GMDS: variants seen among roughly 807,000 people sequenced by gnomAD.
The protein encoded by GMDS is GDP-mannose 4,6-dehydratase.
GMDS carries 20 observed loss-of-function variants against 49.9 expected under a neutral mutation model. That is an observed-to-expected ratio of 0.40 (90% CI 0.28 to 0.58). GMDS has a LOEUF of 0.58. Ranked by LOEUF, GMDS falls within the 20% of genes least tolerant of loss-of-function variation. The pLI is 0.42. For synonymous variants in GMDS, 177 were observed against 178.6 expected, an observed-to-expected ratio of 0.99 and a Z score of 0.07; for missense variants, 362 against 481.4, an observed-to-expected ratio of 0.75 and a Z score of 2.32.
intron 7 of GMDS, among the ~76,000 whole-genome samples, chr6:1,920,777 G>A (rs1256808830): frequency 2.6e-5 from 4 of 152,208 alleles, no homozygotes; most frequent in Non-Finnish European, 2.9e-5. Flanking sequence ...GAGCAGGGCA[G>A]GGAAAGAGGA....
chr6:1,831,775 A>T (rs1344996909), intron 7 of GMDS, among the ~76,000 whole-genome samples: 4 of 152,128 alleles, frequency 2.6e-5, no homozygotes, highest in Non-Finnish European at 5.9e-5. Context: ...TTGAAAAATT[A>T]GATGTTCAAT....
intron 4 of GMDS, among the ~76,000 whole-genome samples, chr6:1,963,181 C>CTT (rs75060505): frequency 2.1e-5 from 3 of 143,442 alleles, no homozygotes; most frequent in Non-Finnish European, 4.6e-5. Context: ...AGCCTACTTC[C>CTT]TTTTTTTTTT....
intron 7 of GMDS, among the ~76,000 whole-genome samples, chr6:1,789,221 C>T (rs1769431716): frequency 1.3e-5 from 2 of 152,224 alleles, no homozygotes; most frequent in African/African-American, 4.8e-5. Context: ...GTTCACTACC[C>T]AGAAGCTGCA....
At chr6:1,955,442 T>C (rs1337690380) in intron 6 of GMDS, among the ~76,000 whole-genome samples, 1 of 152,212 alleles carries the variant, frequency 6.6e-6, no homozygotes, top group East Asian at 1.9e-4. Flanking sequence ...TACTACTATA[T>C]ACATTTTCAT....
intron 7 of GMDS, among the ~76,000 whole-genome samples, chr6:1,908,181 A>C (rs1373675206): frequency 1.3e-5 from 2 of 152,216 alleles, no homozygotes; most frequent in Non-Finnish European, 2.9e-5. Flanking sequence ...GGACAAAGGA[A>C]TGGTTCACGT....
intron 9 of GMDS, among the ~76,000 whole-genome samples, chr6:1,683,444 GT>G (rs1407171766): frequency 2.6e-5 from 4 of 152,128 alleles, no homozygotes; most frequent in African/African-American, 9.7e-5. Flanking sequence ...AGTTTTAAAG[GT>G]CTTAGGATAT....
At chr6:1,729,983 G>A (rs75917275) in intron 8 of GMDS, among the ~76,000 whole-genome samples, 1 of 152,110 alleles carries the variant, frequency 6.6e-6, no homozygotes, top group African/African-American at 2.4e-5. Context: ...TAAGTTGGTG[G>A]GGGCGGGGGA....
At chr6:1,917,747 C>G (rs1761475486) in intron 7 of GMDS, among the ~76,000 whole-genome samples, 1 of 152,196 alleles carries the variant, frequency 6.6e-6, no homozygotes, top group African/African-American at 2.4e-5. Flanking sequence ...GACTTGGTGA[C>G]AGAATGCCCC....
intron 7 of GMDS, among the ~76,000 whole-genome samples, chr6:1,881,337 G>A (rs1428267955): frequency 6.6e-6 from 1 of 152,180 alleles, no homozygotes; most frequent in African/African-American, 2.4e-5. Flanking sequence ...TAACCCATTT[G>A]TAGCCAAGCT....
chr6:1,660,603 C>T (rs1764035327), intron 9 of GMDS, among the ~76,000 whole-genome samples: 1 of 151,452 alleles, frequency 6.6e-6, no homozygotes, highest in Non-Finnish European at 1.5e-5. Flanking sequence ...AGGAATCACA[C>T]CTCCGGTTCA....
chr6:1,749,122 C>A (rs751186397), intron 7 of GMDS, among the ~76,000 whole-genome samples: 1 of 152,158 alleles, frequency 6.6e-6, no homozygotes, highest in Admixed American at 6.5e-5. Context: ...TGCCCCAGGA[C>A]GTGGCTGCCA....
intron 7 of GMDS, among the ~76,000 whole-genome samples, chr6:1,928,739 C>A (rs1047260079): frequency 6.6e-6 from 1 of 152,066 alleles, no homozygotes; most frequent in African/African-American, 2.4e-5. Flanking sequence ...GAGGCTAAGG[C>A]GGGTGGATCA....
intron 1 of GMDS, among the ~76,000 whole-genome samples, chr6:2,156,954 T>C (rs1777142125): frequency 6.6e-6 from 1 of 152,210 alleles, no homozygotes; most frequent in Admixed American, 6.5e-5. Flanking sequence ...TATCAACAAA[T>C]TATTTTAAAA....
At chr6:2,198,917 T>A (rs1172792702) in intron 1 of GMDS, among the ~76,000 whole-genome samples, 1 of 145,680 alleles carries the variant, frequency 6.9e-6, no homozygotes, top group East Asian at 2.0e-4. Flanking sequence ...AGACCATTCA[T>A]AAAGTCAATA....
At chr6:1,983,501 A>G (rs775053861) in intron 4 of GMDS, among the ~76,000 whole-genome samples, 3 of 152,344 alleles carry the variant, frequency 2.0e-5, no homozygotes, top group Non-Finnish European at 2.9e-5. Context: ...TCTAACATCC[A>G]TCATCCATTA....
chr6:1,744,953 G>A (rs1359255785), intron 7 of GMDS, among the ~76,000 whole-genome samples: 6 of 151,932 alleles, frequency 3.9e-5, no homozygotes, highest in East Asian at 1.9e-4. Context: ...GTGGGCGCAC[G>A]AGTGTACCCG....
At chr6:1,927,390 T>G (rs1395044062) in intron 7 of GMDS, among the ~76,000 whole-genome samples, 1 of 152,182 alleles carries the variant, frequency 6.6e-6, no homozygotes, top group Non-Finnish European at 1.5e-5. Context: ...TTGGTGTATT[T>G]TTATTCAGAG....
chr6:1,887,481 G>A (rs1759664977), intron 7 of GMDS, among the ~76,000 whole-genome samples: 2 of 152,164 alleles, frequency 1.3e-5, no homozygotes, highest in Non-Finnish European at 2.9e-5. Context: ...AAAGAGCTAT[G>A]AAGGTGAGAA....
intron 4 of GMDS, among the ~76,000 whole-genome samples, chr6:2,093,603 C>A (rs1773438387): frequency 6.6e-6 from 1 of 151,938 alleles, no homozygotes; most frequent in Non-Finnish European, 1.5e-5. Flanking sequence ...AATCATTATT[C>A]TGCATTATTC....
Sources: gnomAD v4.1 joint callset for allele counts (sites outside exome capture counted in the v4.1 genomes callset) on GRCh38, gnomAD v4.1.1 for gene constraint, MANE v1.5 for transcripts, NCBI Gene and HGNC (gene_info 2026-07-23, HGNC 2026-07-21) for gene names.